The following RIGI variants were observed in gnomAD, a reference collection of about 807,000 sequenced individuals.
RIGI encodes the protein RNA sensor RIG-I, also known as antiviral innate immune response receptor RIG-I.
chr9:32,467,819 T>C, the RIGI span: 1 of 1,612,822 alleles, frequency 6.2e-7, no homozygotes, highest in Non-Finnish European at 8.5e-7. Context: ...ATGACAAGAT[T>C]GCACTGTGCA....
At chr9:32,501,382 G>A in the RIGI span, among the ~76,000 whole-genome samples, 1 of 151,452 alleles carries the variant, frequency 6.6e-6, no homozygotes, top group Non-Finnish European at 1.5e-5. Context: ...GCTCACACCT[G>A]TAGTCTCAGC....
chr9:32,488,178 C>G, the RIGI span: 1 of 1,614,038 alleles, frequency 6.2e-7, no homozygotes. Context: ...TCAGCTGTTG[C>G]TCCAGAAATG....
the RIGI span, among the ~76,000 whole-genome samples, chr9:32,496,128 T>A: frequency 6.6e-6 from 1 of 152,226 alleles, no homozygotes; most frequent in Non-Finnish European, 1.5e-5. Flanking sequence ...TTGTTGCTTA[T>A]GCTTCTGATA....
At chr9:32,496,175 G>C in the RIGI span, among the ~76,000 whole-genome samples, 1 of 152,094 alleles carries the variant, frequency 6.6e-6, no homozygotes, top group Non-Finnish European at 1.5e-5. Flanking sequence ...CCAGTGTCAT[G>C]AAGTTTTTCC....
the RIGI span, among the ~76,000 whole-genome samples, chr9:32,484,005 C>A: frequency 6.6e-6 from 1 of 152,158 alleles, no homozygotes. Flanking sequence ...GTATTCCCAT[C>A]ACCTAGCCCA....
the RIGI span, chr9:32,457,350 T>TG: frequency 1.2e-6 from 2 of 1,614,176 alleles, no homozygotes; most frequent in Non-Finnish European, 1.7e-6. Context: ...AAAACTGCTT[T>TG]GGCTTGGGAT....
At chr9:32,460,363 T>C in the RIGI span, among the ~76,000 whole-genome samples, 2 of 152,190 alleles carry the variant, frequency 1.3e-5, no homozygotes, top group Admixed American at 1.3e-4. Context: ...TGCATATGTA[T>C]AGTATGATTG....
the RIGI span, among the ~76,000 whole-genome samples, chr9:32,508,239 A>T: frequency 2.8e-5 from 2 of 70,348 alleles, no homozygotes; most frequent in African/African-American, 1.2e-4. Flanking sequence ...TATTTACTTA[A>T]TTTTTTTTTT....
chr9:32,504,453 G>A, the RIGI span, among the ~76,000 whole-genome samples: 1 of 152,056 alleles, frequency 6.6e-6, no homozygotes, highest in Non-Finnish European at 1.5e-5. Flanking sequence ...CAAGGTGGGT[G>A]GATCACTTGA....
the RIGI span, among the ~76,000 whole-genome samples, chr9:32,519,962 T>A: frequency 6.6e-6 from 1 of 152,218 alleles, no homozygotes; most frequent in Non-Finnish European, 1.5e-5. Flanking sequence ...CAGTACTTTA[T>A]CTAGAAACCA....
chr9:32,458,343 AG>A, the RIGI span, among the ~76,000 whole-genome samples: 23 of 152,368 alleles, frequency 1.5e-4, 1 homozygote, highest in African/African-American at 5.3e-4. Flanking sequence ...ATAGCCCAAA[AG>A]GAATGTTTGG....
chr9:32,499,316 G>GTTTTTTT, the RIGI span, among the ~76,000 whole-genome samples: 358 of 57,482 alleles, frequency 6.2e-3, 1 homozygote, highest in East Asian at 8.7e-3. Context: ...TTTGTGATTT[G>GTTTTTTT]TTTTTTTTTT....
At chr9:32,476,941 T>C in the RIGI span, 1 of 1,527,818 alleles carries the variant, frequency 6.5e-7, no homozygotes, top group Non-Finnish European at 9.0e-7. Context: ...CAATGAATAG[T>C]GCTGGGTCCA....
chr9:32,499,516 C>T, the RIGI span, among the ~76,000 whole-genome samples: 2,189 of 151,990 alleles, frequency 0.014, 49 homozygotes, highest in African/African-American at 0.045. Flanking sequence ...AGTGCAATGG[C>T]GCAATCTCAG....
the RIGI span, among the ~76,000 whole-genome samples, chr9:32,463,402 G>T: frequency 1.3e-5 from 2 of 152,050 alleles, no homozygotes; most frequent in Admixed American, 6.5e-5. Context: ...TTTCAGATAT[G>T]GTTCTAATCA....
At chr9:32,456,423 C>CCA in the RIGI span, 2 of 152,132 alleles carry the variant, frequency 1.3e-5, no homozygotes, top group Admixed American at 6.5e-5. Context: ...TGTAGCCATA[C>CCA]CACACGTTGC....
chr9:32,475,710 G>T, the RIGI span, among the ~76,000 whole-genome samples: 1 of 152,038 alleles, frequency 6.6e-6, no homozygotes, highest in Non-Finnish European at 1.5e-5. Flanking sequence ...AAGCTGTAAC[G>T]CTTCTAGATG....
At chr9:32,463,431 G>A in the RIGI span, among the ~76,000 whole-genome samples, 1 of 152,250 alleles carries the variant, frequency 6.6e-6, no homozygotes, top group South Asian at 2.1e-4. Context: ...GCAGAATAGA[G>A]GTTACCAGGA....
At chr9:32,471,252 A>AAAAAT in the RIGI span, among the ~76,000 whole-genome samples, 4,178 of 152,230 alleles carry the variant, frequency 0.027, 208 homozygotes, top group African/African-American at 0.097. Context: ...ACTCTGTCTC[A>AAAAAT]AAAATAAAAT....
Sources: allele counts gnomAD v4.1 joint callset (sites outside exome capture counted in the v4.1 genomes callset), GRCh38; gene constraint gnomAD v4.1.1; transcripts MANE v1.5; gene names NCBI Gene and HGNC (gene_info 2026-07-23, HGNC 2026-07-21).